Variants in RALGAPA1 observed in about 807,000 individuals in gnomAD.
RALGAPA1 encodes Ral GTPase activating protein catalytic subunit alpha 1, also known as ral GTPase-activating protein subunit alpha-1.
A neutral mutation model predicts 269.6 loss-of-function variants in RALGAPA1; 52 were observed. The observed-to-expected ratio is 0.19, with a 90% CI of 0.15 to 0.24. The LOEUF (loss-of-function observed/expected upper bound fraction) is 0.24, where lower values mean the gene tolerates loss of function less well. Among genes scored for constraint, RALGAPA1 ranks in the 10% least tolerant of loss-of-function variants. RALGAPA1 has a pLI of 1.00. For synonymous variants in RALGAPA1, 817 were observed against 1,008.3 expected, an observed-to-expected ratio of 0.81 and a Z score of 3.60; for missense variants, 1,917 against 3,013.9, an observed-to-expected ratio of 0.64 and a Z score of 8.52.
At chr14:35,643,241 T>A (rs180937049) in intron 31 of RALGAPA1, among the ~76,000 whole-genome samples, 6 of 152,016 alleles carry the variant, frequency 3.9e-5, no homozygotes, top group African/African-American at 1.2e-4. Flanking sequence ...AAATGACGAG[T>A]TAATGGGTGC....
At position 35,605,586 on chromosome 14, in the gene RALGAPA1, C is replaced by T; in HGVS notation, c.7053G>A (p.Glu2351=). 2 of 1,588,164 alleles carry T rather than the reference C, an allele frequency of 1.3e-6. No homozygotes were observed. Among genetic ancestry groups the T allele is most frequent in the Non-Finnish European group, 1.7e-6 (2 of 1,171,822 alleles). The part of the protein sequence containing the change: ...YEDFVAGLGW[E]VNLTNHCGFM... ...ATTTCGTATAATTTAAAAATAATACCTCCCAACCAAGACCAGCTACAAAAT... is the reference window on the plus strand; with the variant it reads ...ATTTCGTATAATTTAAAAATAATACTTCCCAACCAAGACCAGCTACAAAAT... Residue 2351 remains glutamate, a splice_region_variant and synonymous_variant, in exon 36 of 42, where the codon GAG becomes GAA. Transcript: ENST00000680220.
intron 41 of RALGAPA1, chr14:35,542,640 T>A (rs1764787596): frequency 6.6e-6 from 1 of 152,254 alleles, no homozygotes; most frequent in Non-Finnish European, 1.5e-5. Context: ...CTACATTTCA[T>A]TTCACATCCT....
intron 37 of RALGAPA1, among the ~76,000 whole-genome samples, chr14:35,579,942 T>C (rs1314748657): frequency 6.6e-6 from 1 of 152,188 alleles, no homozygotes; most frequent in Non-Finnish European, 1.5e-5. Flanking sequence ...TTTCAGACTA[T>C]ATTTAGCATA....
At chr14:35,654,758 T>C (rs574549673) in intron 29 of RALGAPA1, among the ~76,000 whole-genome samples, 127 of 152,326 alleles carry the variant, frequency 8.3e-4, no homozygotes, top group African/African-American at 3.0e-3. Context: ...ACCACTATTC[T>C]TTTTATCAAT....
chr14:35,733,942 C>CAAATAAATAAAT (rs1351904337), intron 12 of RALGAPA1, among the ~76,000 whole-genome samples: 9 of 151,546 alleles, frequency 5.9e-5, no homozygotes, highest in African/African-American at 2.2e-4. Flanking sequence ...ATTATAGCTG[C>CAAATAAATAAAT]AAATAAACAA....
intron 16 of RALGAPA1, among the ~76,000 whole-genome samples, chr14:35,702,887 C>T (rs1387357646): frequency 6.6e-6 from 1 of 151,700 alleles, no homozygotes; most frequent in East Asian, 1.9e-4. Flanking sequence ...CTACAGGCGC[C>T]TGCTACCACG....
intron 37 of RALGAPA1, among the ~76,000 whole-genome samples, chr14:35,577,533 C>T (rs1198484594): frequency 6.6e-6 from 1 of 152,098 alleles, no homozygotes; most frequent in Non-Finnish European, 1.5e-5. Flanking sequence ...TTTCTCAGCC[C>T]CCAGAACTGT....
At chr14:35,732,200 A>G (rs1001167457) in intron 12 of RALGAPA1, among the ~76,000 whole-genome samples, 3 of 152,194 alleles carry the variant, frequency 2.0e-5, no homozygotes, top group Non-Finnish European at 4.4e-5. Context: ...AGAATTTGCC[A>G]ATACCAAGCC....
chr14:35,744,331 A>G (rs1214378916), intron 10 of RALGAPA1, among the ~76,000 whole-genome samples: 1 of 150,734 alleles, frequency 6.6e-6, no homozygotes, highest in East Asian at 1.9e-4. Flanking sequence ...AGATCACGCC[A>G]CTGCACTCCA....
chr14:35,748,423 A>G (rs1380696186), intron 10 of RALGAPA1, 162 bp downstream of exon 10: 11 of 706,928 alleles, frequency 1.6e-5, no homozygotes, highest in Admixed American at 1.2e-4. Flanking sequence ...CATGTTGTCC[A>G]AAGTGGCCTC....
chr14:35,681,911 T>C (rs916713325), intron 21 of RALGAPA1, among the ~76,000 whole-genome samples: 12 of 152,228 alleles, frequency 7.9e-5, no homozygotes, highest in African/African-American at 2.9e-4. Context: ...TTATGGAGTA[T>C]TTTGTATTTG....
intron 10 of RALGAPA1, among the ~76,000 whole-genome samples, chr14:35,745,663 C>T (rs1467903518): frequency 1.3e-5 from 2 of 148,824 alleles, no homozygotes; most frequent in Non-Finnish European, 2.9e-5. Context: ...ACCCAAGAGG[C>T]TGAGGCAGAA....
intron 35 of RALGAPA1, among the ~76,000 whole-genome samples, chr14:35,621,974 G>C (rs2060657206): frequency 6.6e-6 from 1 of 152,170 alleles, no homozygotes; most frequent in Non-Finnish European, 1.5e-5. Flanking sequence ...CAAGGATCTA[G>C]AACTAGAATT....
Position 35,742,655 on chromosome 14 carries a change from A to G in RALGAPA1, c.1252-90T>C, listed in dbSNP as rs947775340. The G allele has an allele frequency of 6.6e-6, 6 of 912,666 alleles. No individual in the cohort carries two copies. The African/African-American group carries it at 8.4e-5, about 13-fold the overall frequency. The allele number at this position is 912,666 out of a possible 1,614,324, so 56.5% of individuals were successfully genotyped here. On this transcript the variant is annotated intron_variant, in intron 10 of 41. Coordinates refer to ENST00000680220, the MANE Select transcript of RALGAPA1 (RefSeq NM_001346249.2). The stretch of plus-strand genomic sequence containing the variant: ...TAATGTTTTTCACATCACATCATAG[A>G]TTCTTGGAAACTGCAACTTTAAGCA...
At chr14:35,742,600 T>A (rs572956689) in intron 10 of RALGAPA1, 35 bp from the exon 11 acceptor site, 2 of 1,481,970 alleles carry the variant, frequency 1.3e-6, no homozygotes, top group South Asian at 2.3e-5. Context: ...ATAATGATAC[T>A]TTTTCCTTTG....
At chr14:35,775,148 C>A in intron 2 of RALGAPA1, 93 bp from the exon 3 acceptor site, 1 of 730,876 alleles carries the variant, frequency 1.4e-6, no homozygotes, top group Non-Finnish European at 2.3e-6. Flanking sequence ...TTTTTTTTCC[C>A]AGCAATTATT....
At chr14:35,663,691 G>A (rs186863247) in intron 27 of RALGAPA1, among the ~76,000 whole-genome samples, 25 of 150,762 alleles carry the variant, frequency 1.7e-4, no homozygotes, top group East Asian at 5.9e-4. Context: ...CTGGGTTCAC[G>A]CCATTCTCCT....
rs1423307514 is a variant in RALGAPA1, at chr14:35,688,419, G to T, written c.3952+40C>A. The T allele has an allele frequency of 3.3e-6, 5 of 1,535,710 alleles. No homozygotes were observed. In the East Asian group the frequency reaches 1.2e-4, roughly 38 times the overall value. On this transcript the variant is annotated intron_variant, in intron 18 of 41. Coordinates refer to ENST00000680220, the MANE Select transcript of RALGAPA1 (RefSeq NM_001346249.2). Reference sequence around the variant, plus strand: ...AGTTGCATTAAGCCAAACTGGTGCTGTCTTTCTCCTTTTGCGCTCTGCACA... The same window carrying T: ...AGTTGCATTAAGCCAAACTGGTGCTTTCTTTCTCCTTTTGCGCTCTGCACA...
chr14:35,769,063 T>TAC (rs1225749876), intron 4 of RALGAPA1, among the ~76,000 whole-genome samples: 1 of 81,454 alleles, frequency 1.2e-5, no homozygotes, highest in East Asian at 3.9e-4. Flanking sequence ...TATATATATA[T>TAC]ATACACACAC....
Sources: gnomAD v4.1 joint callset for allele counts (sites outside exome capture counted in the v4.1 genomes callset) on GRCh38, gnomAD v4.1.1 for gene constraint, MANE v1.5 for transcripts, NCBI Gene and HGNC (gene_info 2026-07-23, HGNC 2026-07-21) for gene names.